ADARB1: variants seen among roughly 807,000 people sequenced by gnomAD.
ADARB1 encodes the protein adenosine deaminase RNA specific B1.
A neutral mutation model predicts 52.4 loss-of-function variants in ADARB1; 10 were observed. The ratio of observed to expected loss-of-function variants is 0.19; its 90% CI spans 0.12 to 0.32. The LOEUF is 0.32. Among genes scored for constraint, ADARB1 ranks in the 10% least tolerant of loss-of-function variants. ADARB1 has a pLI of 1.00. For missense variants in ADARB1, 643 were observed against 922.3 expected (o/e 0.70, Z 3.92); for synonymous variants, 349 against 371.1 (o/e 0.94, Z 0.68).
intron 1 of ADARB1, among the ~76,000 whole-genome samples, chr21:45,079,153 A>G (rs547268425): frequency 1.7e-4 from 26 of 152,190 alleles, no homozygotes; most frequent in Middle Eastern, 3.2e-3. Context: ...GATTCAGCCT[A>G]CTGAATTTCA....
At chr21:45,179,615 C>G (rs760544491) in intron 4 of ADARB1, among the ~76,000 whole-genome samples, 6 of 152,232 alleles carry the variant, frequency 3.9e-5, no homozygotes, top group Admixed American at 2.6e-4. Flanking sequence ...TGAGCATATA[C>G]CTGTGCAGGT....
chr21:45,132,827 A>T (rs916269270), intron 2 of ADARB1, among the ~76,000 whole-genome samples: 2 of 152,132 alleles, frequency 1.3e-5, no homozygotes, highest in African/African-American at 4.8e-5. Context: ...TTACCTAGAG[A>T]GTGTTTTATT....
chr21:45,134,375 T>A (rs1423469499), intron 2 of ADARB1, among the ~76,000 whole-genome samples: 2 of 117,400 alleles, frequency 1.7e-5, no homozygotes, highest in African/African-American at 3.3e-5. Context: ...TGCCCGACAG[T>A]GGTGTGTGCG....
intron 2 of ADARB1, among the ~76,000 whole-genome samples, chr21:45,129,704 G>A (rs1358717108): frequency 6.6e-6 from 1 of 152,218 alleles, no homozygotes; most frequent in Non-Finnish European, 1.5e-5. Flanking sequence ...ACAGATGGGA[G>A]TGGCTGGTGC....
chr21:45,169,062 G>A (rs1046983675), intron 2 of ADARB1, among the ~76,000 whole-genome samples: 1 of 152,230 alleles, frequency 6.6e-6, no homozygotes, highest in African/African-American at 2.4e-5. Context: ...TGTTGTGAGA[G>A]GGCCTCATCA....
intron 1 of ADARB1, chr21:45,118,737 G>A (rs1447859684): frequency 1.3e-5 from 2 of 152,232 alleles, no homozygotes; most frequent in African/African-American, 2.4e-5. Flanking sequence ...CCCATATTGG[G>A]ATCACCCCTT....
At chr21:45,164,436 G>A (rs564622773) in intron 2 of ADARB1, among the ~76,000 whole-genome samples, 225 of 151,896 alleles carry the variant, frequency 1.5e-3, no homozygotes, top group Middle Eastern at 6.8e-3. Flanking sequence ...GGAGGAGACC[G>A]AGCCTGCCCC....
chr21:45,197,070 C>A (rs1037508995), intron 8 of ADARB1, among the ~76,000 whole-genome samples: 1 of 152,138 alleles, frequency 6.6e-6, no homozygotes, highest in African/African-American at 2.4e-5. Flanking sequence ...CCCGTCTACT[C>A]TGGAGGTTGA....
chr21:45,145,690 A>G (rs986842478), intron 2 of ADARB1: 2 of 152,264 alleles, frequency 1.3e-5, no homozygotes, highest in Admixed American at 1.3e-4. Flanking sequence ...GCACAGAACA[A>G]CTGCCTTCAT....
chr21:45,116,985 A>G (rs1482198311), intron 1 of ADARB1: 1 of 152,088 alleles, frequency 6.6e-6, no homozygotes, highest in Non-Finnish European at 1.5e-5. Context: ...CTCTCAGGTC[A>G]TTGAAACAAG....
At chr21:45,170,597 TATATG>T (rs1279422152) in intron 2 of ADARB1, among the ~76,000 whole-genome samples, 1 of 151,642 alleles carries the variant, frequency 6.6e-6, no homozygotes, top group Non-Finnish European at 1.5e-5. Context: ...TATTTTTAGA[TATATG>T]ATATTTGATA....
chr21:45,183,691 T>G (rs935929074), intron 7 of ADARB1, among the ~76,000 whole-genome samples, 181 bp downstream of exon 7: 3 of 152,242 alleles, frequency 2.0e-5, no homozygotes, highest in African/African-American at 2.4e-5. Flanking sequence ...ATTAGAAAAC[T>G]TTAATGAATG....
At chr21:45,111,555 C>CAT (rs2087536558) in intron 1 of ADARB1, among the ~76,000 whole-genome samples, 1 of 152,184 alleles carries the variant, frequency 6.6e-6, no homozygotes, top group Non-Finnish European at 1.5e-5. Flanking sequence ...GATATGGATC[C>CAT]ATCCTTACAG....
chr21:45,209,223 C>T (rs1246101163), intron 9 of ADARB1, among the ~76,000 whole-genome samples: 3 of 152,032 alleles, frequency 2.0e-5, no homozygotes, highest in Admixed American at 1.3e-4. Context: ...GTTTTAGAAA[C>T]TCATTTTATC....
At chr21:45,196,888 A>G (rs2092436642) in intron 8 of ADARB1, among the ~76,000 whole-genome samples, 1 of 152,204 alleles carries the variant, frequency 6.6e-6, no homozygotes, top group Non-Finnish European at 1.5e-5. Context: ...AAATAGAACA[A>G]TCACTTTTAA....
At chr21:45,077,649 A>G (rs1212120029) in intron 1 of ADARB1, among the ~76,000 whole-genome samples, 1 of 151,982 alleles carries the variant, frequency 6.6e-6, no homozygotes, top group Non-Finnish European at 1.5e-5. Context: ...CCTGGGCAAC[A>G]GAGCGAGACG....
chr21:45,087,836 G>A lies in ADARB1; in HGVS notation c.-220+13043G>A, dbSNP rs111810162. Reference sequence around the variant, plus strand: ...GGAAAGGAAAGTGTTAACCTTATTTGGGAAAATGATAATGTTGACTGGATT... The same window carrying A: ...GGAAAGGAAAGTGTTAACCTTATTTAGGAAAATGATAATGTTGACTGGATT... On this transcript the variant is annotated intron_variant, in intron 1 of 10. Transcript: ENST00000348831. 5.9e-3 allele frequency among the ~76,000 whole-genome samples: 892 copies of A among 152,292 alleles called. 15 individuals carry two copies. The highest frequency in any genetic ancestry group is 0.02 in the African/African-American group (844 of 41,530).
rs563189392 is a variant in ADARB1 at position 45,200,659 on chromosome 21, C to T, written c.1566-3896C>T. On this transcript the variant is annotated intron_variant, in intron 8 of 10. Transcript: ENST00000348831. The surrounding 1 kb of genome is among the most constrained non-coding windows in gnomAD (Gnocchi z 5.0). ...CAAGATGGGCTCTGCAGAAGGTGGCCTCCCGTGCAGCTGCTTGAAGAACCC... is the reference window on the plus strand; with the variant it reads ...CAAGATGGGCTCTGCAGAAGGTGGCTTCCCGTGCAGCTGCTTGAAGAACCC... Among the ~76,000 whole-genome samples the T allele has an allele frequency of 5.3e-5, 8 of 152,234 alleles. No individual in the cohort carries two copies. In the South Asian group the frequency reaches 1.7e-3, roughly 32 times the overall value.
At chr21:45,131,105 G>A (rs2088904710) in intron 2 of ADARB1, among the ~76,000 whole-genome samples, 1 of 152,160 alleles carries the variant, frequency 6.6e-6, no homozygotes, top group Non-Finnish European at 1.5e-5. Flanking sequence ...ATGTTAAAAA[G>A]CAGTGTCATG....
Sources: gnomAD v4.1 joint callset for allele counts (sites outside exome capture counted in the v4.1 genomes callset) on GRCh38, gnomAD v4.1.1 for gene constraint, Gnocchi (gnomAD v3.1) non-coding constraint, MANE v1.5 for transcripts, NCBI Gene and HGNC (gene_info 2026-07-23, HGNC 2026-07-21) for gene names.